Variants in CTU2 observed in about 807,000 individuals in gnomAD.
The protein encoded by CTU2 is cytoplasmic tRNA 2-thiolation protein 2.
A neutral mutation model predicts 64.1 loss-of-function variants in CTU2; 80 were observed. The ratio of observed to expected loss-of-function variants is 1.25; its 90% CI spans 1.04 to 1.50. CTU2 has a LOEUF of 1.50. CTU2 is among the 40% of genes most tolerant of loss of function. The pLI is 0.00. For synonymous variants in CTU2, 482 were observed against 285.3 expected (o/e 1.69, Z -6.95); for missense variants, 1,110 against 690.2 (o/e 1.61, Z -6.81).
At chr16:88,713,872 C>T (rs979449185) in intron 9 of CTU2, 94 bp downstream of exon 9, 53 of 1,512,366 alleles carry the variant, frequency 3.5e-5, no homozygotes, top group Non-Finnish European at 4.6e-5. Flanking sequence ...GTCACCAGCA[C>T]ACCTTCAGTG....
chr16:88,714,233 GGTGTGTGT>G lies in CTU2; in HGVS notation c.1097+8_1097+15del. The G allele has an allele frequency of 7.0e-7, 1 of 1,424,812 alleles. No homozygotes were observed. The highest frequency in any genetic ancestry group is 9.2e-7 in the Non-Finnish European group (1 of 1,092,696). The allele number at this position is 1,424,812 out of a possible 1,614,324, so 88.3% of individuals were successfully genotyped here. ...ACTGTCAGCACTGTGTACAGGTGTG[GGTGTGTGT>G]GGGTGTGTGCGGGGGGTGCGCGGGT... On this transcript the variant is annotated splice_region_variant and intron_variant, in intron 10 of 14. Coordinates refer to ENST00000453996, the MANE Select transcript of CTU2 (RefSeq NM_001012759.3).
Position 88,712,877 on chromosome 16 carries a change from G to A in CTU2, c.709G>A (p.Ala237Thr). The change falls in exon 7 of 15, where the codon GCC becomes ACC. Residue 237 changes from alanine to threonine, a missense_variant. Physicochemically the swap from Ala to Thr is moderately conservative, Grantham distance 58. Coordinates refer to ENST00000453996, the MANE Select transcript of CTU2 (RefSeq NM_001012759.3). ...GTTCTGCTCAGTGAGGACACTGACTGCCAAGGAGGAGCTTCTGCAGACCCT... is the reference window on the plus strand; with the variant it reads ...GTTCTGCTCAGTGAGGACACTGACTACCAAGGAGGAGCTTCTGCAGACCCT... ...QLFCSVRTLT[A>T]KEELLQTLRT... is the part of the protein sequence containing the mutation. 1 of 1,538,172 alleles carries A rather than the reference G, an allele frequency of 6.5e-7. No homozygotes were observed. The highest frequency in any genetic ancestry group is 8.7e-7 in the Non-Finnish European group (1 of 1,143,506).
chr16:88,712,048 C>G, intron 5 of CTU2: 1 of 677,486 alleles, frequency 1.5e-6, no homozygotes, highest in East Asian at 2.7e-5. Flanking sequence ...CTCCCCGACC[C>G]TTGCTCCTGC....
At chr16:88,711,281 C>G (rs1911298444) in intron 4 of CTU2, among the ~76,000 whole-genome samples, 1 of 152,078 alleles carries the variant, frequency 6.6e-6, no homozygotes, top group African/African-American at 2.4e-5. Context: ...CTTGTGAGAG[C>G]AAGTGCTTCC....
chr16:88,712,066 ACT>A, intron 5 of CTU2: 1 of 688,442 alleles, frequency 1.5e-6, no homozygotes, highest in Non-Finnish European at 2.7e-6. Flanking sequence ...TGCAGAACGA[ACT>A]CCTGGGGTGT....
intron 6 of CTU2, 97 bp downstream of exon 6, chr16:88,712,480 G>A: frequency 6.9e-7 from 1 of 1,453,772 alleles, no homozygotes; most frequent in Non-Finnish European, 9.3e-7. Flanking sequence ...ATCCCAGAAG[G>A]CGGGGCTGTC....
rs768811120 is a variant in CTU2, at chr16:88,714,932, T to C, written c.1419+6T>C. The C allele has an allele frequency of 5.6e-6, 9 of 1,612,498 alleles. No individual in the cohort carries two copies. The East Asian group carries it at 2.0e-4, about 36-fold the overall frequency. ...GCGTGAACATGAAGGACTTGGTGAG[T>C]ACGTGCCCACCTGTCCTGGGCCGGG... On this transcript the variant is annotated splice_donor_region_variant and intron_variant, in intron 13 of 14. Coordinates refer to ENST00000453996, the MANE Select transcript of CTU2 (RefSeq NM_001012759.3).
chr16:88,713,469 C>T, intron 8 of CTU2, 22 bp downstream of exon 8: 2 of 1,565,056 alleles, frequency 1.3e-6, no homozygotes, highest in Non-Finnish European at 8.6e-7. Flanking sequence ...CCTGGGTGTT[C>T]AGGAGGCCCA....
intron 4 of CTU2, among the ~76,000 whole-genome samples, chr16:88,711,414 G>A (rs751227838): frequency 3.9e-5 from 6 of 152,182 alleles, no homozygotes; most frequent in Non-Finnish European, 7.4e-5. Context: ...GGGGGATGAA[G>A]ACCCCCAGGC....
chr16:88,712,412 C>T (rs763050209), intron 6 of CTU2, 29 bp downstream of exon 6: 7 of 1,543,552 alleles, frequency 4.5e-6, no homozygotes, highest in Non-Finnish European at 6.2e-6. Flanking sequence ...GAAAGGGGTC[C>T]CGGAGGTGAC....
At position 88,715,080 on chromosome 16, in the gene CTU2, G is replaced by T. The variant is rs903640500; in HGVS notation, c.1452G>T (p.Leu484=). 6.3e-7 allele frequency: 1 copy of T among 1,576,430 alleles called. No homozygotes were observed. Among genetic ancestry groups the T allele is most frequent in the African/African-American group, 1.3e-5 (1 of 74,342 alleles). The change falls in exon 14 of 15, where the codon CTG becomes CTT. Residue 484 remains leucine, a synonymous_variant. Coordinates refer to ENST00000453996, the MANE Select transcript of CTU2 (RefSeq NM_001012759.3). ...PSLDPLPPYI[L]AEAQLRTQRA... ...TGGACCCCCTGCCGCCGTACATCCT[G>T]GCTGAGGCCCAGCTCCGCACACAGA... is the stretch of plus-strand genomic sequence containing the variant.
chr16:88,707,288 T>C lies in CTU2; in HGVS notation c.143+78T>C, dbSNP rs1289537201. On this transcript the variant is annotated intron_variant, in intron 2 of 14. Coordinates refer to ENST00000453996, the MANE Select transcript of CTU2 (RefSeq NM_001012759.3). ...AGGATAGCCGCAACTTGTGATGCTT[T>C]GTTAATTCTTTTTAAAAACATGTAC... is the stretch of plus-strand genomic sequence containing the variant. 4 of 1,309,562 alleles carry C rather than the reference T, an allele frequency of 3.1e-6. No individual in the cohort carries two copies. In the African/African-American group the frequency reaches 5.8e-5, roughly 19 times the overall value. The allele number at this position is 1,309,562 out of a possible 1,614,324, so 81.1% of individuals were successfully genotyped here.
In CTU2 at chr16:88,714,490, T is replaced by C; in HGVS notation, c.1201+4T>C. 6.2e-7 allele frequency: 1 copy of C among 1,612,168 alleles called. No homozygotes were observed. Among genetic ancestry groups the C allele is most frequent in the Non-Finnish European group, 8.5e-7 (1 of 1,179,556 alleles). ...GCCCTGGACGTCGACGCCGCTGGTC[T>C]GTGTTTCATGCTCTTGGGGTGATGC... On this transcript the variant is annotated splice_donor_region_variant and intron_variant, in intron 11 of 14. Transcript: ENST00000453996.
chr16:88,712,491 G>C (rs745665286), intron 6 of CTU2, 108 bp downstream of exon 6: 1 of 1,444,796 alleles, frequency 6.9e-7, no homozygotes, highest in Non-Finnish European at 9.4e-7. Flanking sequence ...CGGGGCTGTC[G>C]GTGGGGGGTG....
intron 10 of CTU2, 53 bp downstream of exon 10, chr16:88,714,280 G>A (rs868851958): frequency 1.1e-5 from 13 of 1,208,140 alleles, no homozygotes; most frequent in African/African-American, 2.9e-5. Context: ...TGCTGTGCGC[G>A]GGTGTGTGCG....
At position 88,713,328 on chromosome 16, in the gene CTU2, C is replaced by T. The variant is rs145636355; in HGVS notation, c.754C>T (p.His252Tyr). The T allele has an allele frequency of 3.1e-6, 5 of 1,599,142 alleles. No homozygotes were observed. Among genetic ancestry groups the T allele is most frequent in the African/African-American group, 2.7e-5 (2 of 72,800 alleles). ...LQTLRTHLIL[H>Y]MARAHGYSKV... is the part of the protein sequence containing the mutation. ...GTGCTTTAGGACCCACCTGATCCTC[C>T]ACATGGCCCGAGCCCACGGCTACTC... Residue 252 changes from histidine to tyrosine, a missense_variant, in exon 8 of 15, where the codon CAC becomes TAC. Physicochemically the swap from His to Tyr is moderately conservative, Grantham distance 83. Transcript: ENST00000453996.
intron 2 of CTU2, 159 bp from the exon 3 acceptor site, chr16:88,709,779 A>G (rs1409462478): frequency 1.4e-6 from 1 of 692,212 alleles, no homozygotes; most frequent in African/African-American, 1.8e-5. Flanking sequence ...AGAGGGGCCA[A>G]CCCCGCCCCT....
At position 88,712,646 on chromosome 16, in the gene CTU2, C is replaced by G. The variant is rs764854027; in HGVS notation, c.478C>G (p.Leu160Val). 1.9e-6 allele frequency: 3 copies of G among 1,610,354 alleles called. No homozygotes were observed. Among genetic ancestry groups the G allele is most frequent in the African/African-American group, 2.7e-5 (2 of 74,838 alleles). The change falls in exon 7 of 15, where the codon CTT (leucine) becomes GTT (valine). Residue 160 changes from leucine (L) to valine (V), a missense_variant. Leu to Val is a conservative substitution (Grantham distance 32). Coordinates refer to ENST00000453996, the MANE Select transcript of CTU2 (RefSeq NM_001012759.3). ...GGTGTTCAGCCTGCCACCGTCGGTGCTTTGGTGCTCTGCCCAGGAGCTGGT... is the reference window on the plus strand; with the variant it reads ...GGTGTTCAGCCTGCCACCGTCGGTGGTTTGGTGCTCTGCCCAGGAGCTGGT... ...EEVFSLPPSV[L>V]WCSAQELVGS...
intron 3 of CTU2, 98 bp from the exon 4 acceptor site, chr16:88,710,125 G>A (rs1269958739): frequency 1.0e-5 from 16 of 1,580,790 alleles, no homozygotes; most frequent in African/African-American, 4.0e-5. Context: ...CTCCTCCTTG[G>A]CCTTTGAGGA....
Sources: gnomAD v4.1 joint callset for allele counts (sites outside exome capture counted in the v4.1 genomes callset) on GRCh38, gnomAD v4.1.1 for gene constraint, MANE v1.5 for transcripts, NCBI Gene and HGNC (gene_info 2026-07-23, HGNC 2026-07-21) for gene names.